The following FRMD4A variants were observed in gnomAD, a reference collection of about 807,000 sequenced individuals.
FRMD4A encodes FERM domain containing 4A, also known as FERM domain-containing protein 4A.
FRMD4A carries 29 observed loss-of-function variants against 129.1 expected under a neutral mutation model. The ratio of observed to expected loss-of-function variants is 0.22; its 90% CI spans 0.17 to 0.31. The LOEUF (loss-of-function observed/expected upper bound fraction) is 0.31, where lower values mean the gene tolerates loss of function less well. Ranked by LOEUF, FRMD4A falls within the 10% of genes least tolerant of loss-of-function variation. FRMD4A has a pLI of 1.00. For missense variants in FRMD4A, 1,272 were observed against 1,375.8 expected (o/e 0.92, Z 1.19); for synonymous variants, 634 against 571.6 (o/e 1.11, Z -1.56).
In FRMD4A at chr10:14,222,051, T is replaced by C. The variant is rs372071194; in HGVS notation, c.45+108007A>G. 4.6e-5 allele frequency among the ~76,000 whole-genome samples: 7 copies of C among 152,348 alleles called. No individual in the cohort carries two copies. In the South Asian group the frequency reaches 1.4e-3, roughly 32 times the overall value. On this transcript the variant is annotated intron_variant, in intron 2 of 24. Transcript: ENST00000357447. ...AGAAAATGATTGTTCATTTGCCCACTACCACGTACATGCCATATGTGTCCA... is the reference window on the plus strand; with the variant it reads ...AGAAAATGATTGTTCATTTGCCCACCACCACGTACATGCCATATGTGTCCA...
chr10:14,317,227 T>C (rs998438027), intron 2 of FRMD4A, among the ~76,000 whole-genome samples: 2 of 152,202 alleles, frequency 1.3e-5, no homozygotes, highest in African/African-American at 4.8e-5. Flanking sequence ...TCTGAAGACA[T>C]TTCGTGTCTG....
At chr10:14,289,364 TC>T (rs781181740) in intron 2 of FRMD4A, among the ~76,000 whole-genome samples, 19 of 152,180 alleles carry the variant, frequency 1.2e-4, no homozygotes, top group Admixed American at 2.6e-4. Context: ...ATATGCATTT[TC>T]CTGATGATAA....
chr10:13,733,442 T>A (rs867013397), intron 12 of FRMD4A, among the ~76,000 whole-genome samples: 42 of 107,078 alleles, frequency 3.9e-4, no homozygotes, highest in Non-Finnish European at 8.9e-4. Flanking sequence ...AAAGGCCTGG[T>A]TTTTTTTTTG....
Position 14,291,816 on chromosome 10 carries a change from A to G in FRMD4A, c.45+38242T>C, listed in dbSNP as rs991867204. On this transcript the variant is annotated intron_variant, in intron 2 of 24. Transcript: ENST00000357447. ...GTAAGATAAAAAACTATATACATATATAGGAATTGGAATTATATTATTATT... is the reference window on the plus strand; with the variant it reads ...GTAAGATAAAAAACTATATACATATGTAGGAATTGGAATTATATTATTATT... 9.8e-4 allele frequency among the ~76,000 whole-genome samples: 149 copies of G among 151,950 alleles called. 1 individual carries two copies. The highest frequency in any genetic ancestry group is 3.5e-3 in the African/African-American group (147 of 41,550).
chr10:13,729,814 T>C (rs554441119), intron 12 of FRMD4A, among the ~76,000 whole-genome samples: 1 of 152,306 alleles, frequency 6.6e-6, no homozygotes, highest in East Asian at 1.9e-4. Context: ...CTGCTGAATA[T>C]GTAACAAGGA....
At chr10:14,201,859 G>A (rs932131676) in intron 2 of FRMD4A, among the ~76,000 whole-genome samples, 6 of 152,118 alleles carry the variant, frequency 3.9e-5, no homozygotes, top group African/African-American at 1.2e-4. Flanking sequence ...GGCTGGGTGC[G>A]GTGGCTCATG....
intron 2 of FRMD4A, among the ~76,000 whole-genome samples, chr10:14,079,532 A>G (rs1835806065): frequency 6.6e-6 from 1 of 152,256 alleles, no homozygotes; most frequent in Non-Finnish European, 1.5e-5. Context: ...CCAATGTACT[A>G]ATAATCAAGC....
At chr10:13,705,863 G>A (rs1403234536) in intron 13 of FRMD4A, among the ~76,000 whole-genome samples, 1 of 152,198 alleles carries the variant, frequency 6.6e-6, no homozygotes, top group Non-Finnish European at 1.5e-5. Flanking sequence ...AGTAACCGTG[G>A]TGCTGAGATA....
intron 2 of FRMD4A, among the ~76,000 whole-genome samples, chr10:14,027,277 T>C (rs1417421209): frequency 6.6e-6 from 1 of 152,104 alleles, no homozygotes; most frequent in Non-Finnish European, 1.5e-5. Flanking sequence ...CAAGAGAGAG[T>C]TGAGTCTCCC....
At chr10:14,265,698 T>C (rs1262109205) in intron 2 of FRMD4A, among the ~76,000 whole-genome samples, 4 of 152,178 alleles carry the variant, frequency 2.6e-5, no homozygotes, top group East Asian at 1.9e-4. Context: ...AGAGGAATGG[T>C]TCTAGGTCAT....
intron 2 of FRMD4A, among the ~76,000 whole-genome samples, chr10:14,040,748 C>T (rs1165110116): frequency 6.6e-6 from 1 of 152,192 alleles, no homozygotes; most frequent in Non-Finnish European, 1.5e-5. Flanking sequence ...GTTTCTCCTT[C>T]CCTCTCTGCA....
chr10:14,114,034 G>A (rs1032354646), intron 2 of FRMD4A, among the ~76,000 whole-genome samples: 1 of 152,144 alleles, frequency 6.6e-6, no homozygotes, highest in Non-Finnish European at 1.5e-5. Context: ...CTCAGTAGGG[G>A]GTGCCTTCAA....
chr10:13,803,499 T>C (rs1350217505), intron 4 of FRMD4A, among the ~76,000 whole-genome samples: 2 of 127,810 alleles, frequency 1.6e-5, no homozygotes, highest in Non-Finnish European at 3.6e-5. Context: ...TCCTGGCTAA[T>C]TAAACAAATT....
chr10:14,202,118 A>G (rs946339553), intron 2 of FRMD4A, among the ~76,000 whole-genome samples: 6 of 145,812 alleles, frequency 4.1e-5, no homozygotes, highest in Non-Finnish European at 7.5e-5. Context: ...AACCTGGGCC[A>G]CAGAGCAAGA....
intron 2 of FRMD4A, among the ~76,000 whole-genome samples, chr10:13,955,957 AC>A (rs1461112522): frequency 1.3e-5 from 2 of 152,164 alleles, no homozygotes; most frequent in Non-Finnish European, 1.5e-5. Context: ...TGTGAAAAAC[AC>A]CCAGGTGGCT....
chr10:13,922,717 G>T (rs2095087311), intron 2 of FRMD4A, among the ~76,000 whole-genome samples: 1 of 152,164 alleles, frequency 6.6e-6, no homozygotes, highest in Non-Finnish European at 1.5e-5. Context: ...ATCGTATGGT[G>T]CCAGTTAAAA....
At chr10:13,687,211 C>T (rs939832269) in intron 15 of FRMD4A, among the ~76,000 whole-genome samples, 2 of 152,118 alleles carry the variant, frequency 1.3e-5, no homozygotes, top group South Asian at 4.1e-4. Context: ...AGGAGAATCG[C>T]AGATAACCCG....
chr10:13,812,675 G>C (rs2093469649), intron 3 of FRMD4A, among the ~76,000 whole-genome samples: 1 of 152,194 alleles, frequency 6.6e-6, no homozygotes, highest in South Asian at 2.1e-4. Context: ...CTGGGCTCCT[G>C]GGTGGCAGCC....
At chr10:13,680,820 G>A (rs558345967) in intron 15 of FRMD4A, among the ~76,000 whole-genome samples, 3 of 152,046 alleles carry the variant, frequency 2.0e-5, no homozygotes, top group African/African-American at 7.2e-5. Flanking sequence ...GCTGAGGTGG[G>A]AGGACTGCTT....
Sources: gnomAD v4.1 joint callset for allele counts (sites outside exome capture counted in the v4.1 genomes callset) on GRCh38, gnomAD v4.1.1 for gene constraint, MANE v1.5 for transcripts, NCBI Gene and HGNC (gene_info 2026-07-23, HGNC 2026-07-21) for gene names.